RHBDD1: variants seen among roughly 807,000 people sequenced by gnomAD.
RHBDD1 encodes rhomboid domain containing 1.
Under a neutral mutation model 36.3 loss-of-function variants are expected in RHBDD1, and 38 were observed. The observed-to-expected ratio is 1.05, with a 90% CI of 0.81 to 1.37. RHBDD1 has a LOEUF of 1.37. RHBDD1 is among the 40% of genes most tolerant of loss of function. RHBDD1 has a pLI of 0.00. For synonymous variants in RHBDD1, 151 were observed against 136.5 expected, an observed-to-expected ratio of 1.11 and a Z score of -0.74; for missense variants, 393 against 377.6, an observed-to-expected ratio of 1.04 and a Z score of -0.34.
At chr2:226,813,379 G>A in the RHBDD1 span, among the ~76,000 whole-genome samples, 2 of 152,144 alleles carry the variant, frequency 1.3e-5, no homozygotes, top group African/African-American at 4.8e-5. Flanking sequence ...CACACAGTTG[G>A]GCTTTCATGT....
chr2:226,913,976 A>AT (rs1031751685), intron 7 of RHBDD1, among the ~76,000 whole-genome samples: 8 of 152,222 alleles, frequency 5.3e-5, no homozygotes, highest in African/African-American at 1.9e-4. Flanking sequence ...CTCTGAATTA[A>AT]TATCTCCTTT....
At chr2:226,890,778 C>T (rs981339093) in intron 5 of RHBDD1, among the ~76,000 whole-genome samples, 1 of 151,906 alleles carries the variant, frequency 6.6e-6, no homozygotes, top group African/African-American at 2.4e-5. Flanking sequence ...TTCATATATT[C>T]CATAAATATA....
At chr2:226,863,237 G>A (rs916097563) in intron 3 of RHBDD1, among the ~76,000 whole-genome samples, 11 of 152,214 alleles carry the variant, frequency 7.2e-5, no homozygotes, top group Non-Finnish European at 1.3e-4. Flanking sequence ...TACTCAGGAG[G>A]CTGAGGCATA....
At chr2:226,872,783 C>A (rs1474626287) in intron 5 of RHBDD1, among the ~76,000 whole-genome samples, 1 of 152,092 alleles carries the variant, frequency 6.6e-6, no homozygotes, top group Non-Finnish European at 1.5e-5. Flanking sequence ...AAGCCAAAGT[C>A]CTACTGATTA....
intron 3 of RHBDD1, among the ~76,000 whole-genome samples, chr2:226,853,963 G>A (rs1048841189): frequency 1.4e-5 from 2 of 147,486 alleles, no homozygotes; most frequent in Non-Finnish European, 2.9e-5. Flanking sequence ...CCCGCTAATC[G>A]ATAAGGTGGA....
At chr2:226,957,489 A>G (rs1436353066) in intron 8 of RHBDD1, among the ~76,000 whole-genome samples, 2 of 152,060 alleles carry the variant, frequency 1.3e-5, no homozygotes, top group Non-Finnish European at 2.9e-5. Flanking sequence ...TTGGGAGGCT[A>G]AGACATGAGA....
intron 8 of RHBDD1, among the ~76,000 whole-genome samples, chr2:226,950,410 G>T (rs1213533296): frequency 2.0e-5 from 3 of 152,202 alleles, no homozygotes; most frequent in Non-Finnish European, 4.4e-5. Context: ...AGTATTCATT[G>T]TGTATATGTT....
At chr2:226,877,865 C>T (rs1434826632) in intron 5 of RHBDD1, among the ~76,000 whole-genome samples, 2 of 152,070 alleles carry the variant, frequency 1.3e-5, no homozygotes, top group African/African-American at 4.8e-5. Context: ...AGTGCAGTGA[C>T]TATTGGTATT....
chr2:226,921,365 T>C (rs1949301394), intron 8 of RHBDD1, among the ~76,000 whole-genome samples: 2 of 152,138 alleles, frequency 1.3e-5, no homozygotes, highest in Admixed American at 6.5e-5. Context: ...ATTACTTCTT[T>C]TCTTCTACTA....
intron 7 of RHBDD1, among the ~76,000 whole-genome samples, chr2:226,913,034 C>A (rs1948631541): frequency 6.6e-6 from 1 of 152,104 alleles, no homozygotes; most frequent in South Asian, 2.1e-4. Context: ...GGAAAATATT[C>A]ATAAAGAATA....
intron 5 of RHBDD1, among the ~76,000 whole-genome samples, chr2:226,871,875 G>C (rs1390383882): frequency 6.6e-6 from 1 of 152,178 alleles, no homozygotes; most frequent in African/African-American, 2.4e-5. Flanking sequence ...ACTTGGTTAA[G>C]GTAGTCTCCA....
intron 5 of RHBDD1, among the ~76,000 whole-genome samples, chr2:226,882,897 T>G (rs758989197): frequency 6.6e-6 from 1 of 152,176 alleles, no homozygotes; most frequent in Non-Finnish European, 1.5e-5. Flanking sequence ...ACATTCTCAC[T>G]GTGTCCTCAT....
chr2:226,801,398 A>ACCC, the RHBDD1 span, among the ~76,000 whole-genome samples: 1 of 152,096 alleles, frequency 6.6e-6, no homozygotes, highest in Non-Finnish European at 1.5e-5. Context: ...GAAGATGATG[A>ACCC]TGATGAAGGA....
chr2:226,887,452 T>A (rs1412439857), intron 5 of RHBDD1, among the ~76,000 whole-genome samples: 1 of 152,200 alleles, frequency 6.6e-6, no homozygotes, highest in Non-Finnish European at 1.5e-5. Context: ...TGAACAGATT[T>A]TGATGGACCA....
chr2:226,963,499 G>A (rs1309689159), intron 8 of RHBDD1, among the ~76,000 whole-genome samples: 5 of 152,036 alleles, frequency 3.3e-5, no homozygotes, highest in South Asian at 2.1e-4. Context: ...TTGACTACTC[G>A]CGGGTGACCC....
In RHBDD1 at chr2:226,914,358, GTC is replaced by G; in HGVS notation, c.856+9_856+10del. The G allele has an allele frequency of 1.2e-6, 2 of 1,609,878 alleles. No homozygotes were observed. Among genetic ancestry groups the G allele is most frequent in the Non-Finnish European group, 1.7e-6 (2 of 1,178,134 alleles). On this transcript the variant is annotated splice_region_variant and intron_variant, in intron 8 of 8. Transcript: ENST00000392062. ...GCCAGCCTCTGGGACCGAGGTAGGA[GTC>G]TTGCGCCCTTCAGTTATTTTAAAGC...
chr2:226,947,455 G>C (rs1951063110), intron 8 of RHBDD1, among the ~76,000 whole-genome samples: 1 of 151,868 alleles, frequency 6.6e-6, no homozygotes, highest in Non-Finnish European at 1.5e-5. Flanking sequence ...CTGTTCCATT[G>C]ATCTATATCT....
At chr2:226,813,210 C>T in the RHBDD1 span, among the ~76,000 whole-genome samples, 2 of 152,162 alleles carry the variant, frequency 1.3e-5, no homozygotes, top group Non-Finnish European at 2.9e-5. Flanking sequence ...CAATACAAAC[C>T]ACACACACAA....
At chr2:226,842,610 G>A (rs1009422318) in intron 3 of RHBDD1, among the ~76,000 whole-genome samples, 9 of 152,126 alleles carry the variant, frequency 5.9e-5, no homozygotes, top group Admixed American at 1.3e-4. Context: ...GTGTGGTCTC[G>A]TTTCTGAGTT....
Sources: allele counts gnomAD v4.1 joint callset (sites outside exome capture counted in the v4.1 genomes callset), GRCh38; gene constraint gnomAD v4.1.1; transcripts MANE v1.5; gene names NCBI Gene and HGNC (gene_info 2026-07-23, HGNC 2026-07-21).